The following SATB2 variants were observed in gnomAD, a reference collection of about 807,000 sequenced individuals.
The protein encoded by SATB2 is DNA-binding protein SATB2.
Under a neutral mutation model 73.4 loss-of-function variants are expected in SATB2, and 1 was observed. The observed-to-expected ratio is 0.01, with a 90% confidence interval of 0.00 to 0.06. SATB2 has a LOEUF of 0.06. Among genes scored for constraint, SATB2 ranks in the 10% least tolerant of loss-of-function variants. The pLI is 1.00. For synonymous variants in SATB2, 397 were observed against 367.0 expected (o/e 1.08, Z -0.93); for missense variants, 459 against 945.8 (o/e 0.49, Z 6.75).
chr2:199,291,476 C>CA (rs1692858124), intron 10 of SATB2, among the ~76,000 whole-genome samples: 2 of 152,280 alleles, frequency 1.3e-5, no homozygotes, highest in African/African-American at 4.8e-5. Context: ...CATTAAACAA[C>CA]ATTTTTTTAG....
chr2:199,436,916 GA>G (rs149375618), intron 2 of SATB2, among the ~76,000 whole-genome samples: 18 of 138,264 alleles, frequency 1.3e-4, no homozygotes, highest in East Asian at 6.2e-4. Flanking sequence ...GAAAAAGAAA[GA>G]AAAAAAAAAG....
rs373814652 is a variant in SATB2 at position 199,280,330 on chromosome 2, G to A, written c.1741-7658C>T. Among the ~76,000 whole-genome samples the A allele has an allele frequency of 3.4e-4, 51 of 152,180 alleles. 1 individual carries two copies. In the South Asian group the frequency reaches 4.8e-3, roughly 14 times the overall value. ...GTATGTCGCCTCAGGACCCTGTGATGATTGTGTTAACTGCACAAATTGTTT... is the reference window on the plus strand; with the variant it reads ...GTATGTCGCCTCAGGACCCTGTGATAATTGTGTTAACTGCACAAATTGTTT... On this transcript the variant is annotated intron_variant, in intron 10 of 10. Transcript: ENST00000417098.
chr2:199,438,679 A>G (rs1191379456), intron 2 of SATB2, among the ~76,000 whole-genome samples: 1 of 152,232 alleles, frequency 6.6e-6, no homozygotes, highest in East Asian at 1.9e-4. Flanking sequence ...CAGCTGCAGC[A>G]GGGCGTCTAG....
At chr2:199,309,187 T>A (rs1225484350) in intron 9 of SATB2, among the ~76,000 whole-genome samples, 1 of 152,270 alleles carries the variant, frequency 6.6e-6, no homozygotes, top group Non-Finnish European at 1.5e-5. Context: ...TCACCCTGCC[T>A]ATAGAATATA....
intron 3 of SATB2, among the ~76,000 whole-genome samples, chr2:199,383,045 G>A (rs760727195): frequency 2.0e-5 from 3 of 152,112 alleles, no homozygotes; most frequent in African/African-American, 4.8e-5. Context: ...AAATGAATGC[G>A]CAATGCTTGA....
chr2:199,362,890 T>C (rs917649173), intron 6 of SATB2, among the ~76,000 whole-genome samples: 4 of 152,140 alleles, frequency 2.6e-5, no homozygotes, highest in African/African-American at 7.2e-5. Flanking sequence ...CGTAAGGAAA[T>C]AGATCATTTT....
At chr2:199,296,994 T>C (rs576285235) in intron 10 of SATB2, among the ~76,000 whole-genome samples, 1 of 152,342 alleles carries the variant, frequency 6.6e-6, no homozygotes, top group Admixed American at 6.5e-5. Context: ...TTTTTAACCT[T>C]AAAGCCATAC....
At chr2:199,397,886 A>AC (rs1252829453) in intron 3 of SATB2, 3 of 290,892 alleles carry the variant, frequency 1.0e-5, no homozygotes. Flanking sequence ...AAACAAACAA[A>AC]ACAGAAAGAT....
intron 9 of SATB2, among the ~76,000 whole-genome samples, chr2:199,310,965 A>C (rs1273996125): frequency 6.6e-6 from 1 of 152,202 alleles, no homozygotes; most frequent in Non-Finnish European, 1.5e-5. Context: ...TATAATCTGC[A>C]CTCATTACAA....
intron 3 of SATB2, among the ~76,000 whole-genome samples, chr2:199,400,924 G>A (rs911022297): frequency 6.6e-6 from 1 of 152,162 alleles, no homozygotes; most frequent in Admixed American, 6.5e-5. Context: ...TTTTACAAAT[G>A]AGTCGGTAAG....
chr2:199,386,685 C>T (rs562046705), intron 3 of SATB2, among the ~76,000 whole-genome samples: 2 of 95,720 alleles, frequency 2.1e-5, no homozygotes, highest in African/African-American at 6.2e-5. Context: ...ATATTTCATA[C>T]ACGTGCGCAA....
At chr2:199,447,740 G>C (rs1327987035) in intron 2 of SATB2, among the ~76,000 whole-genome samples, 1 of 97,598 alleles carries the variant, frequency 1.0e-5, no homozygotes, top group African/African-American at 2.6e-5. Context: ...AAGAATGAGA[G>C]CCAAATGGTC....
At chr2:199,285,584 TAA>T (rs1016693880) in intron 10 of SATB2, among the ~76,000 whole-genome samples, 1 of 148,524 alleles carries the variant, frequency 6.7e-6, no homozygotes, top group Non-Finnish European at 1.5e-5. Flanking sequence ...AATCTGTTAT[TAA>T]AAAAAAAAGT....
At chr2:199,316,721 G>A (rs776067232) in intron 9 of SATB2, among the ~76,000 whole-genome samples, 140 of 151,936 alleles carry the variant, frequency 9.2e-4, no homozygotes, top group African/African-American at 1.8e-3. Flanking sequence ...TAGCATACAC[G>A]GAATATGCAT....
chr2:199,288,649 A>G (rs1692756104), intron 10 of SATB2, among the ~76,000 whole-genome samples: 1 of 152,348 alleles, frequency 6.6e-6, no homozygotes, highest in South Asian at 2.1e-4. Flanking sequence ...GAATGTAACC[A>G]CTTAATAACA....
rs1006662464 is a variant in SATB2 at position 199,410,631 on chromosome 2, C to G, written c.346+22707G>C. 2.0e-5 allele frequency among the ~76,000 whole-genome samples: 3 copies of G among 152,174 alleles called. No individual in the cohort carries two copies. The East Asian group carries it at 5.8e-4, about 29-fold the overall frequency. On this transcript the variant is annotated intron_variant, in intron 3 of 10. Coordinates refer to ENST00000417098, the MANE Select transcript of SATB2 (RefSeq NM_001172509.2). ...CAACTCTGAAATGTTGCCCTCCCAG[C>G]GCACGCTACTATAACTTTATGGAAT... is the stretch of plus-strand genomic sequence containing the variant.
intron 2 of SATB2, among the ~76,000 whole-genome samples, chr2:199,441,796 A>G (rs1458649163): frequency 3.3e-5 from 5 of 152,218 alleles, no homozygotes; most frequent in Non-Finnish European, 7.3e-5. Context: ...GCTGAAGGAG[A>G]AACTCCAGGT....
rs1692202431 is a variant in SATB2, at chr2:199,272,852, A to G, written c.1741-180T>C. Among the ~76,000 whole-genome samples, 1 of 152,166 alleles carries G rather than the reference A, an allele frequency of 6.6e-6. No individual in the cohort carries two copies. Among genetic ancestry groups the G allele is most frequent in the South Asian group, 2.1e-4 (1 of 4,824 alleles). On this transcript the variant is annotated intron_variant, in intron 10 of 10. Transcript: ENST00000417098. This position sits in a 1 kb window ranked among gnomAD's most constrained non-coding sequence, Gnocchi z 6.7. ...GGACATTTAGTATCTCACCTACAAA[A>G]CAGGAGGTTCATAACAGTAGTATTT...
At position 199,323,476 on chromosome 2, in the gene SATB2, T is replaced by TATACAC. The variant is rs10653288; in HGVS notation, c.1542+326_1542+327insGTGTAT. Among the ~76,000 whole-genome samples, 137 of 142,834 alleles carry TATACAC rather than the reference T, an allele frequency of 9.6e-4. 1 individual carries two copies. The highest frequency in any genetic ancestry group is 2.2e-3 in the African/African-American group (84 of 38,058). The allele number at this position is 142,834 out of a possible 152,430, so 93.7% of individuals were successfully genotyped here. The stretch of plus-strand genomic sequence containing the variant: ...TTATATACATTCTAAGTTTTGTTCA[T>TATACAC]ACACACACACACACACACACACACA... On this transcript the variant is annotated intron_variant, in intron 9 of 10. Coordinates refer to ENST00000417098, the MANE Select transcript of SATB2 (RefSeq NM_001172509.2).
Sources: allele counts gnomAD v4.1 joint callset (sites outside exome capture counted in the v4.1 genomes callset), GRCh38; gene constraint gnomAD v4.1.1; non-coding constraint Gnocchi (gnomAD v3.1); transcripts MANE v1.5; gene names NCBI Gene and HGNC (gene_info 2026-07-23, HGNC 2026-07-21).